KLHL32: variants seen among roughly 807,000 people sequenced by gnomAD.
KLHL32 encodes the protein kelch-like protein 32.
Under a neutral mutation model 64.8 loss-of-function variants are expected in KLHL32, and 35 were observed. That is an observed-to-expected ratio of 0.54 (90% CI 0.41 to 0.72). The LOEUF (loss-of-function observed/expected upper bound fraction) is 0.72. Ranked by LOEUF, KLHL32 falls within the 30% of genes least tolerant of loss-of-function variation. The probability of loss-of-function intolerance (pLI) is 0.00; values close to 1 mark genes in which losing one functional copy is unlikely to be tolerated. For missense variants in KLHL32, 589 were observed against 768.5 expected, an observed-to-expected ratio of 0.77 and a Z score of 2.76; for synonymous variants, 259 against 281.0, an observed-to-expected ratio of 0.92 and a Z score of 0.78.
At chr6:97,132,919 CTAAA>C (rs965187785) in intron 10 of KLHL32, among the ~76,000 whole-genome samples, 172 bp downstream of exon 10, 1 of 152,008 alleles carries the variant, frequency 6.6e-6, no homozygotes, top group Non-Finnish European at 1.5e-5. Flanking sequence ...AAAATGATGC[CTAAA>C]TAAATTATTG....
intron 3 of KLHL32, among the ~76,000 whole-genome samples, chr6:96,977,963 G>A (rs776383412): frequency 8.5e-5 from 13 of 152,130 alleles, no homozygotes; most frequent in Non-Finnish European, 1.9e-4. Flanking sequence ...CACTCACATT[G>A]TCAGGTATTC....
chr6:96,980,472 T>A (rs547500412), intron 3 of KLHL32, among the ~76,000 whole-genome samples: 3 of 152,358 alleles, frequency 2.0e-5, no homozygotes, highest in East Asian at 3.9e-4. Context: ...TTTATTTATT[T>A]GCATATAGTG....
chr6:97,089,845 A>G (rs561552922), intron 6 of KLHL32, among the ~76,000 whole-genome samples: 1 of 152,054 alleles, frequency 6.6e-6, no homozygotes, highest in East Asian at 1.9e-4. Context: ...GACACTTCCT[A>G]CTTGTATTCT....
intron 4 of KLHL32, among the ~76,000 whole-genome samples, chr6:97,048,252 A>G (rs532934207): frequency 2.0e-5 from 3 of 152,264 alleles, no homozygotes; most frequent in African/African-American, 4.8e-5. Flanking sequence ...CAATTATGTC[A>G]TATCCGGGCT....
intron 4 of KLHL32, 60 bp from the exon 5 acceptor site, chr6:97,064,568 A>T: frequency 8.5e-7 from 1 of 1,169,946 alleles, no homozygotes; most frequent in South Asian, 1.3e-5. Context: ...TCTACATATT[A>T]AGCAGCATTA....
intron 3 of KLHL32, among the ~76,000 whole-genome samples, chr6:96,991,695 C>T (rs781609860): frequency 1.3e-5 from 2 of 152,114 alleles, no homozygotes; most frequent in Non-Finnish European, 2.9e-5. Flanking sequence ...CTTCCCAAGC[C>T]GGAGAGCCAC....
At chr6:97,045,558 G>GA (rs2128131416) in intron 4 of KLHL32, among the ~76,000 whole-genome samples, 1 of 152,218 alleles carries the variant, frequency 6.6e-6, no homozygotes, top group East Asian at 1.9e-4. Context: ...TTTAAGCTTA[G>GA]AGGCAATGGT....
At chr6:97,058,796 A>G (rs1192062341) in intron 4 of KLHL32, among the ~76,000 whole-genome samples, 1 of 152,146 alleles carries the variant, frequency 6.6e-6, no homozygotes, top group Non-Finnish European at 1.5e-5. Context: ...ACAGCCTGAG[A>G]TTTGCCAAGC....
chr6:96,917,301 C>G, the KLHL32 span, among the ~76,000 whole-genome samples: 1 of 152,220 alleles, frequency 6.6e-6, no homozygotes, highest in Non-Finnish European at 1.5e-5. Context: ...TGCTTTCCAT[C>G]CTCCCTGATC....
In KLHL32 at chr6:97,135,299, A is replaced by ATT. The variant is rs747635380; in HGVS notation, c.1701+2574_1701+2575dup. On this transcript the variant is annotated intron_variant, in intron 10 of 10. Coordinates refer to ENST00000369261, the MANE Select transcript of KLHL32 (RefSeq NM_052904.4). Reference sequence around the variant, plus strand: ...CTACAAAGCACAGACAAATTTGTTAATTTTTTTTTTTTTTTTTTTTTTTCC... The same window carrying ATT: ...CTACAAAGCACAGACAAATTTGTTAATTTTTTTTTTTTTTTTTTTTTTTTTCC... Among the ~76,000 whole-genome samples the ATT allele has an allele frequency of 2.7e-3, 300 of 109,556 alleles. 2 individuals carry two copies. The highest frequency in any genetic ancestry group is 0.011 in the African/African-American group (283 of 26,106). 71.9% of individuals were successfully genotyped at this position (109,556 alleles called of 152,430 possible). A position where few individuals can be genotyped will look rare whatever the true frequency, so the allele number is the denominator to read the frequency against.
chr6:96,929,962 A>G (rs188201429), intron 1 of KLHL32, among the ~76,000 whole-genome samples: 4 of 152,336 alleles, frequency 2.6e-5, no homozygotes, highest in Admixed American at 2.6e-4. Context: ...GGCAGTTTTC[A>G]TGGACTCTTG....
chr6:97,097,456 A>C (rs183979509), intron 6 of KLHL32, among the ~76,000 whole-genome samples: 1 of 152,280 alleles, frequency 6.6e-6, no homozygotes, highest in Admixed American at 6.5e-5. Flanking sequence ...CACTGAGGTA[A>C]ATGAGAACGT....
At chr6:97,079,012 C>T (rs535350592) in intron 5 of KLHL32, among the ~76,000 whole-genome samples, 8 of 152,120 alleles carry the variant, frequency 5.3e-5, no homozygotes, top group East Asian at 1.9e-4. Context: ...AGCTCTTGAG[C>T]GTGACATCCC....
intron 3 of KLHL32, among the ~76,000 whole-genome samples, chr6:97,016,577 A>C (rs1562246155): frequency 6.6e-6 from 1 of 152,168 alleles, no homozygotes; most frequent in Non-Finnish European, 1.5e-5. Flanking sequence ...TTATAGGTGG[A>C]AGGGACTTTC....
the KLHL32 span, among the ~76,000 whole-genome samples, chr6:96,911,339 G>T: frequency 6.6e-6 from 1 of 152,304 alleles, no homozygotes; most frequent in South Asian, 2.1e-4. Context: ...CAGTCCTGCA[G>T]CCTGACCCAT....
At chr6:97,130,694 C>G (rs1036687725) in intron 8 of KLHL32, 63 bp from the exon 9 acceptor site, 4 of 1,336,422 alleles carry the variant, frequency 3.0e-6, no homozygotes, top group Non-Finnish European at 3.1e-6. Flanking sequence ...ATGAGGCACT[C>G]GTTGCTGTTT....
rs371525304 is a variant in KLHL32, at chr6:97,139,183, T to A, written c.1764T>A (p.Ala588=). ...TCTATGGGCCTACACTCCCTTTTGC[T>A]TCCAATGGAATAGCAGCATGCTTCC... ...EVFYGPTLPF[A]SNGIAACFLP... The change falls in exon 11 of 11, where the codon GCT becomes GCA. Residue 588 remains alanine (A), a synonymous_variant. Transcript: ENST00000369261. The A allele has an allele frequency of 9.3e-6, 15 of 1,613,984 alleles. No homozygotes were observed. Among genetic ancestry groups the A allele is most frequent in the Middle Eastern group, 1.6e-4 (1 of 6,084 alleles).
upstream of KLHL32, among the ~76,000 whole-genome samples, chr6:96,923,098 T>C (rs1463238857): frequency 6.6e-6 from 1 of 152,148 alleles, no homozygotes; most frequent in Non-Finnish European, 1.5e-5. Context: ...AGATGGTGAG[T>C]TGGTGGTGTA....
rs563941158 is a variant in KLHL32, at chr6:97,134,849, G to A, written c.1701+2102G>A. On this transcript the variant is annotated intron_variant, in intron 10 of 10. Transcript: ENST00000369261. ...CGTGAATGTTAGTTTGTAAGACATA[G>A]AAACTTAAATAAAAAAAACTTCGTA... 1.1e-4 allele frequency among the ~76,000 whole-genome samples: 17 copies of A among 152,200 alleles called. 2 individuals are homozygous for A. In the South Asian group the frequency reaches 3.5e-3, roughly 32 times the overall value.
Sources: gnomAD v4.1 joint callset for allele counts (sites outside exome capture counted in the v4.1 genomes callset) on GRCh38, gnomAD v4.1.1 for gene constraint, MANE v1.5 for transcripts, NCBI Gene and HGNC (gene_info 2026-07-23, HGNC 2026-07-21) for gene names.